RTN1: variants seen among roughly 807,000 people sequenced by gnomAD.
RTN1 encodes the protein reticulon 1.
In RTN1, 25 loss-of-function variants were observed where a neutral mutation model predicts 65.5. That is an observed-to-expected ratio of 0.38 (90% CI 0.28 to 0.53). RTN1 has a LOEUF of 0.53. RTN1 is among the 20% of genes least tolerant of loss of function. The pLI is 0.79. For synonymous variants in RTN1, 471 were observed against 447.6 expected, an observed-to-expected ratio of 1.05 and a Z score of -0.66; for missense variants, 983 against 1,025.4, an observed-to-expected ratio of 0.96 and a Z score of 0.57.
chr14:59,683,261 C>A (rs1883780128), intron 3 of RTN1, among the ~76,000 whole-genome samples: 1 of 152,060 alleles, frequency 6.6e-6, no homozygotes, highest in Non-Finnish European at 1.5e-5. Flanking sequence ...GACTTATTTT[C>A]TGATCTAAAT....
chr14:59,815,555 T>G (rs1426018712), intron 1 of RTN1, among the ~76,000 whole-genome samples: 1 of 152,196 alleles, frequency 6.6e-6, no homozygotes, highest in Non-Finnish European at 1.5e-5. Flanking sequence ...CAACTCCTAC[T>G]TTCTCAGTCT....
At chr14:59,600,944 G>T (rs190363965) in intron 8 of RTN1, among the ~76,000 whole-genome samples, 1 of 152,094 alleles carries the variant, frequency 6.6e-6, no homozygotes, top group East Asian at 1.9e-4. Context: ...TAACCTCCTA[G>T]CTGATGGCCA....
At chr14:59,630,124 G>A (rs1433353089) in intron 3 of RTN1, among the ~76,000 whole-genome samples, 1 of 145,648 alleles carries the variant, frequency 6.9e-6, no homozygotes, top group African/African-American at 2.5e-5. Flanking sequence ...CTCCGGGGAT[G>A]AGAAAACATT....
intron 1 of RTN1, among the ~76,000 whole-genome samples, chr14:59,858,895 AAAG>A (rs1887656595): frequency 6.6e-6 from 1 of 152,216 alleles, no homozygotes; most frequent in Non-Finnish European, 1.5e-5. Flanking sequence ...AATTCAGCAA[AAAG>A]AATAAAAGAG....
At chr14:59,761,263 T>C (rs1885742538) in intron 1 of RTN1, among the ~76,000 whole-genome samples, 1 of 152,200 alleles carries the variant, frequency 6.6e-6, no homozygotes, top group Non-Finnish European at 1.5e-5. Flanking sequence ...TCACCTTGAA[T>C]TGTAACAATC....
At chr14:59,869,359 A>G (rs953379327) in intron 1 of RTN1, among the ~76,000 whole-genome samples, 33 of 148,364 alleles carry the variant, frequency 2.2e-4, no homozygotes, top group Non-Finnish European at 3.9e-4. Flanking sequence ...CACAACTCCC[A>G]CTCCACCATA....
intron 8 of RTN1, among the ~76,000 whole-genome samples, chr14:59,599,092 T>A (rs1421523289): frequency 6.6e-6 from 1 of 152,196 alleles, no homozygotes; most frequent in Non-Finnish European, 1.5e-5. Flanking sequence ...ATTGATTTTT[T>A]AAAGATGCTT....
intron 3 of RTN1, among the ~76,000 whole-genome samples, chr14:59,615,046 A>G (rs1882064693): frequency 6.6e-6 from 1 of 152,234 alleles, no homozygotes; most frequent in Non-Finnish European, 1.5e-5. Flanking sequence ...TAACAGAACA[A>G]AACTGAAGGC....
At chr14:59,608,353 GAC>G (rs1881833520) in intron 3 of RTN1, among the ~76,000 whole-genome samples, 1 of 152,222 alleles carries the variant, frequency 6.6e-6, no homozygotes, top group African/African-American at 2.4e-5. Context: ...TGTACCTGCA[GAC>G]ACCTGGTTTA....
At chr14:59,800,919 A>G (rs1308231112) in intron 1 of RTN1, among the ~76,000 whole-genome samples, 1 of 152,086 alleles carries the variant, frequency 6.6e-6, no homozygotes, top group Non-Finnish European at 1.5e-5. Context: ...TTAATATTCT[A>G]ATGTAAATGC....
chr14:59,779,800 T>C (rs1334450884), intron 1 of RTN1, among the ~76,000 whole-genome samples: 3 of 152,142 alleles, frequency 2.0e-5, no homozygotes, highest in African/African-American at 7.2e-5. Context: ...GTCTATATGT[T>C]GCTTAGTTTT....
chr14:59,780,452 A>C (rs1471716988), intron 1 of RTN1, among the ~76,000 whole-genome samples: 1 of 152,202 alleles, frequency 6.6e-6, no homozygotes, highest in Non-Finnish European at 1.5e-5. Flanking sequence ...AGAGAAAAGA[A>C]AACCATTTAA....
chr14:59,834,894 T>C (rs1887187771), intron 1 of RTN1, among the ~76,000 whole-genome samples: 1 of 152,228 alleles, frequency 6.6e-6, no homozygotes, highest in African/African-American at 2.4e-5. Flanking sequence ...AACTCTTGTA[T>C]ACTGGTGGGA....
At position 59,750,098 on chromosome 14, in the gene RTN1, A is replaced by C. The variant is rs1390371526; in HGVS notation, c.242-3617T>G. Among the ~76,000 whole-genome samples, 6 of 60,218 alleles carry C rather than the reference A, an allele frequency of 1.0e-4. 1 individual carries two copies. Among genetic ancestry groups the C allele is most frequent in the African/African-American group, 4.4e-4 (4 of 9,102 alleles). 39.5% of individuals were successfully genotyped at this position (60,218 alleles called of 152,430 possible). A position where few individuals can be genotyped will look rare whatever the true frequency, so the allele number is the denominator to read the frequency against. ...TATATATTATAGACATATATATTATATATTATATATTATATATAATATATA... is the reference window on the plus strand; with the variant it reads ...TATATATTATAGACATATATATTATCTATTATATATTATATATAATATATA... On this transcript the variant is annotated intron_variant, in intron 1 of 8. Coordinates refer to ENST00000267484, the MANE Select transcript of RTN1 (RefSeq NM_021136.3).
rs568187597 is a variant in RTN1 at position 59,820,237 on chromosome 14, G to T, written c.241+50153C>A. Among the ~76,000 whole-genome samples the T allele has an allele frequency of 3.6e-3, 513 of 141,280 alleles. 1 individual carries two copies. Among genetic ancestry groups the T allele is most frequent in the Middle Eastern group, 0.011 (3 of 268 alleles). The allele number at this position is 141,280 out of a possible 152,430, so 92.7% of individuals were successfully genotyped here. On this transcript the variant is annotated intron_variant, in intron 1 of 8. Transcript: ENST00000267484. ...TGTCCTTTGCCTACTTTTTAATGGG[G>T]TTTTTTTTTTTGCTTGTTGATTTGT...
At chr14:59,864,654 T>C (rs1364197695) in intron 1 of RTN1, among the ~76,000 whole-genome samples, 2 of 152,124 alleles carry the variant, frequency 1.3e-5, no homozygotes, top group Non-Finnish European at 2.9e-5. Flanking sequence ...AAGAGTTCAA[T>C]AAATAGTAGT....
chr14:59,799,680 GGA>G (rs1886503734), intron 1 of RTN1, among the ~76,000 whole-genome samples: 1 of 152,212 alleles, frequency 6.6e-6, no homozygotes, highest in African/African-American at 2.4e-5. Context: ...GAAAAGGGCA[GGA>G]GAGCAGAGTG....
chr14:59,775,237 TAC>T (rs917895103), intron 1 of RTN1, among the ~76,000 whole-genome samples: 1 of 152,132 alleles, frequency 6.6e-6, no homozygotes, highest in African/African-American at 2.4e-5. Flanking sequence ...TTAGAGATGG[TAC>T]TAGAACCCAA....
intron 3 of RTN1, among the ~76,000 whole-genome samples, chr14:59,700,529 A>G (rs1022236424): frequency 9.9e-5 from 15 of 152,198 alleles, no homozygotes; most frequent in Non-Finnish European, 1.9e-4. Flanking sequence ...CTAGACAATA[A>G]ATCAATACAA....
Sources: gnomAD v4.1 joint callset for allele counts (sites outside exome capture counted in the v4.1 genomes callset) on GRCh38, gnomAD v4.1.1 for gene constraint, MANE v1.5 for transcripts, NCBI Gene and HGNC (gene_info 2026-07-23, HGNC 2026-07-21) for gene names.